BACC1: variants seen among roughly 807,000 people sequenced by gnomAD.
BACC1 encodes the protein BPTF associated chromatin complex component 1, also known as BPTF-associated chromatin complex component 1.
the BACC1 span, chr17:7,014,994 G>C: frequency 7.0e-7 from 1 of 1,418,486 alleles, no homozygotes; most frequent in Non-Finnish European, 9.1e-7. The surrounding 1 kb of genome is among the most constrained non-coding windows in gnomAD (Gnocchi z 4.5). Context: ...GCCTGGGGTG[G>C]GGCTAGGGGC....
chr17:7,016,006 C>A, the BACC1 span: 1 of 694,658 alleles, frequency 1.4e-6, no homozygotes, highest in East Asian at 2.8e-5. Flanking sequence ...TTTAGAATCC[C>A]CTTGAGGACT....
chr17:7,015,420 C>T, the BACC1 span: 20 of 1,368,676 alleles, frequency 1.5e-5, no homozygotes, highest in Non-Finnish European at 1.8e-5. Context: ...CCAACCACCC[C>T]AGTTCATGGA....
At chr17:7,017,201 C>A in the BACC1 span, 1 of 1,613,556 alleles carries the variant, frequency 6.2e-7, no homozygotes, top group Non-Finnish European at 8.5e-7. Context: ...TGGGAGTGGC[C>A]TTGGAAGCAC....
the BACC1 span, chr17:7,015,973 C>T: frequency 3.1e-5 from 30 of 959,934 alleles, no homozygotes; most frequent in East Asian, 7.2e-4. Context: ...AGCTCAGCTG[C>T]TTCCCTACTT....
chr17:7,014,808 C>G, the BACC1 span: 1 of 1,524,432 alleles, frequency 6.6e-7, no homozygotes, highest in Middle Eastern at 1.7e-4. This position sits in a 1 kb window ranked among gnomAD's most constrained non-coding sequence, Gnocchi z 4.5. Flanking sequence ...GTGGTCCCGG[C>G]TCGCGTGTAG....
At chr17:7,016,216 C>T in the BACC1 span, 2 of 525,708 alleles carry the variant, frequency 3.8e-6, no homozygotes, top group East Asian at 3.4e-5. Context: ...ATCAGTAAAT[C>T]TCAATCCACC....
chr17:7,017,176 G>A, the BACC1 span: 1 of 1,587,814 alleles, frequency 6.3e-7, no homozygotes, highest in Non-Finnish European at 8.6e-7. Context: ...TACGTAGCAG[G>A]GTGTTTCAGG....
the BACC1 span, chr17:7,016,274 G>C: frequency 3.5e-6 from 2 of 565,900 alleles, no homozygotes; most frequent in African/African-American, 3.8e-5. Context: ...AGAGAATTAG[G>C]AGATGGGCCT....
the BACC1 span, chr17:7,016,831 G>T: frequency 2.6e-6 from 4 of 1,535,762 alleles, no homozygotes; most frequent in Non-Finnish European, 3.6e-6. Flanking sequence ...GGGAGAGGAG[G>T]CACAAAGCTT....
the BACC1 span, chr17:7,015,737 T>G: frequency 4.5e-6 from 7 of 1,550,368 alleles, no homozygotes; most frequent in Non-Finnish European, 4.5e-6. Flanking sequence ...ACACCCCCCC[T>G]CCCATTTTTG....
chr17:7,016,104 G>A, the BACC1 span: 1 of 549,230 alleles, frequency 1.8e-6, no homozygotes, highest in Non-Finnish European at 3.2e-6. Flanking sequence ...TGCCTGAGAT[G>A]CTGTTATTGT....
chr17:7,015,176 G>A, the BACC1 span: 1 of 1,557,592 alleles, frequency 6.4e-7, no homozygotes, highest in Non-Finnish European at 8.6e-7. Flanking sequence ...CCCGGACTGG[G>A]ACGTGGACGC....
chr17:7,014,901 C>A, the BACC1 span: 6 of 1,513,472 alleles, frequency 4.0e-6, no homozygotes, highest in Admixed American at 8.2e-5. This position sits in a 1 kb window ranked among gnomAD's most constrained non-coding sequence, Gnocchi z 4.5. Flanking sequence ...TCGCGGACAG[C>A]GCTCCCTGGC....
the BACC1 span, chr17:7,017,301 C>A: frequency 6.2e-6 from 10 of 1,613,514 alleles, no homozygotes; most frequent in Non-Finnish European, 8.5e-6. Flanking sequence ...CTCTGCTGAT[C>A]CTCCTCTCCT....
chr17:7,017,289 A>G, the BACC1 span: 5 of 1,613,144 alleles, frequency 3.1e-6, no homozygotes, highest in Non-Finnish European at 4.2e-6. Flanking sequence ...CCTTCTCATG[A>G]CCTCTGCTGA....
At chr17:7,015,468 G>GT in the BACC1 span, 3 of 1,376,684 alleles carry the variant, frequency 2.2e-6, no homozygotes, top group African/African-American at 4.4e-5. Flanking sequence ...TGGTGGGTCT[G>GT]TTTTGAAAAG....
At chr17:7,014,811 G>C in the BACC1 span, 2 of 1,525,458 alleles carry the variant, frequency 1.3e-6, no homozygotes, top group Non-Finnish European at 1.8e-6. The surrounding 1 kb of genome is among the most constrained non-coding windows in gnomAD (Gnocchi z 4.5). Context: ...GTCCCGGCTC[G>C]CGTGTAGCGG....
the BACC1 span, chr17:7,014,954 C>G: frequency 6.8e-7 from 1 of 1,463,298 alleles, no homozygotes; most frequent in East Asian, 3.0e-5. This position sits in a 1 kb window ranked among gnomAD's most constrained non-coding sequence, Gnocchi z 4.5. Flanking sequence ...GCGGCTCTTC[C>G]GCCCCGGGCG....
the BACC1 span, chr17:7,015,694 G>A: frequency 6.9e-7 from 1 of 1,440,238 alleles, no homozygotes; most frequent in Non-Finnish European, 9.7e-7. Context: ...GCGGCTGGTT[G>A]GCTGTGGGAT....
Sources: allele counts gnomAD v4.1 joint callset, GRCh38; gene constraint gnomAD v4.1.1; non-coding constraint Gnocchi (gnomAD v3.1); transcripts MANE v1.5; gene names NCBI Gene and HGNC (gene_info 2026-07-23, HGNC 2026-07-21).